SLC24A2: variants seen among roughly 807,000 people sequenced by gnomAD.
The protein encoded by SLC24A2 is solute carrier family 24 member 2.
SLC24A2 carries 36 observed loss-of-function variants against 62.0 expected under a neutral mutation model. The observed-to-expected ratio is 0.58, with a 90% CI of 0.44 to 0.77. The LOEUF is 0.77. Ranked by LOEUF, SLC24A2 falls within the 30% of genes least tolerant of loss-of-function variation. The pLI, the probability that SLC24A2 is intolerant of heterozygous loss-of-function variation, is 0.00. For missense variants in SLC24A2, 846 were observed against 817.9 expected (o/e 1.03, Z -0.42); for synonymous variants, 358 against 294.0 (o/e 1.22, Z -2.23).
the SLC24A2 span, among the ~76,000 whole-genome samples, chr9:20,066,571 C>T: frequency 6.6e-6 from 1 of 152,186 alleles, no homozygotes; most frequent in Non-Finnish European, 1.5e-5. Context: ...TAAGAGAATT[C>T]TGTCCATCTG....
chr9:19,550,144 C>T lies in SLC24A2; in HGVS notation c.1472G>A (p.Arg491His), dbSNP rs200870934. 4.5e-5 allele frequency: 73 copies of T among 1,613,660 alleles called. No individual in the cohort carries two copies. The highest frequency in any genetic ancestry group is 7.7e-5 in the South Asian group (7 of 91,052). Residue 491 changes from arginine (R) to histidine (H), a missense_variant, in exon 8 of 11, where the codon CGC becomes CAC. Physicochemically the swap from Arg to His is conservative, Grantham distance 29. Coordinates refer to ENST00000341998, the MANE Select transcript of SLC24A2 (RefSeq NM_020344.4). ...FPLWITLPDV[R>H]KPSSRKFFPI... ...TTAAAATGCTTTACTTACAGGTTTG[C>T]GAACGTCAGGTAACGTAATCCAGAG...
chr9:19,818,456 A>G, the SLC24A2 span, among the ~76,000 whole-genome samples: 1 of 152,146 alleles, frequency 6.6e-6, no homozygotes, highest in East Asian at 1.9e-4. Flanking sequence ...CGAAAACCCT[A>G]AAGACTCCCC....
chr9:20,228,669 G>C, the SLC24A2 span, among the ~76,000 whole-genome samples: 1 of 152,118 alleles, frequency 6.6e-6, no homozygotes, highest in Non-Finnish European at 1.5e-5. Flanking sequence ...AAGAGGTCAA[G>C]TCCTAGAAGA....
At chr9:19,530,240 T>C (rs1339910788) in intron 8 of SLC24A2, among the ~76,000 whole-genome samples, 1 of 152,140 alleles carries the variant, frequency 6.6e-6, no homozygotes, top group Non-Finnish European at 1.5e-5. Flanking sequence ...CTACGTGCAA[T>C]GAGGGTTTCA....
intron 2 of SLC24A2, among the ~76,000 whole-genome samples, chr9:19,663,745 A>T (rs923946616): frequency 6.6e-6 from 1 of 152,164 alleles, no homozygotes; most frequent in African/African-American, 2.4e-5. Flanking sequence ...ATTGCCTAAT[A>T]GCACTGATTA....
chr9:19,968,460 T>C, the SLC24A2 span, among the ~76,000 whole-genome samples: 23 of 152,202 alleles, frequency 1.5e-4, no homozygotes, highest in Admixed American at 3.3e-4. Flanking sequence ...GATGAGGAAA[T>C]TGGAATTTGG....
At chr9:20,041,874 A>G in the SLC24A2 span, among the ~76,000 whole-genome samples, 1 of 152,218 alleles carries the variant, frequency 6.6e-6, no homozygotes, top group Non-Finnish European at 1.5e-5. Context: ...GGAGTTGGCA[A>G]TGCGCACTCC....
chr9:19,594,540 C>T (rs1836650368), intron 5 of SLC24A2, among the ~76,000 whole-genome samples: 1 of 152,118 alleles, frequency 6.6e-6, no homozygotes, highest in Non-Finnish European at 1.5e-5. Flanking sequence ...CAAGTCATGA[C>T]CTCACACAAC....
intron 8 of SLC24A2, among the ~76,000 whole-genome samples, chr9:19,546,201 G>T: frequency 6.6e-6 from 1 of 152,206 alleles, no homozygotes; most frequent in Middle Eastern, 3.2e-3. Context: ...CACTTGAGGA[G>T]GCAGTCTGAT....
intron 2 of SLC24A2, among the ~76,000 whole-genome samples, chr9:19,656,112 G>A (rs1455100180): frequency 6.6e-6 from 1 of 152,164 alleles, no homozygotes; most frequent in Non-Finnish European, 1.5e-5. Context: ...ATTCAATACT[G>A]TGAACCAGAA....
At chr9:19,538,719 A>C (rs939493386) in intron 8 of SLC24A2, among the ~76,000 whole-genome samples, 9 of 132,072 alleles carry the variant, frequency 6.8e-5, no homozygotes, top group Admixed American at 4.7e-4. Context: ...CTGGCCTCAT[A>C]AAATGAGTTA....
At position 19,550,165 on chromosome 9, in the gene SLC24A2, C is replaced by CAG; in HGVS notation, c.1449_1450dup (p.Trp484SerfsTer34). 1.2e-6 allele frequency: 2 copies of CAG among 1,614,032 alleles called. No individual in the cohort carries two copies. Among genetic ancestry groups the CAG allele is most frequent in the Non-Finnish European group, 1.7e-6 (2 of 1,179,968 alleles). On this transcript the variant is annotated frameshift_variant, in exon 8 of 11. Coordinates refer to ENST00000341998, the MANE Select transcript of SLC24A2 (RefSeq NM_020344.4). LOFTEE classifies it high-confidence loss of function. ...TTTGCGAACGTCAGGTAACGTAATC[C>CAG]AGAGAGGAAACACTATGGGGAAAAC... is the stretch of plus-strand genomic sequence containing the variant.
intron 2 of SLC24A2, among the ~76,000 whole-genome samples, chr9:19,724,146 T>C (rs369373563): frequency 7.9e-5 from 12 of 152,204 alleles, no homozygotes; most frequent in African/African-American, 2.9e-4. Context: ...AGAATGTTAA[T>C]GCTTTTGGAG....
At chr9:19,895,552 T>C in the SLC24A2 span, among the ~76,000 whole-genome samples, 1 of 151,228 alleles carries the variant, frequency 6.6e-6, no homozygotes, top group South Asian at 2.1e-4. Flanking sequence ...CTTTCTTTTT[T>C]TTTTTTTTTT....
intron 2 of SLC24A2, among the ~76,000 whole-genome samples, chr9:19,768,027 A>T (rs1183084706): frequency 6.6e-6 from 1 of 152,120 alleles, no homozygotes; most frequent in Admixed American, 6.5e-5. Context: ...TCTTCTTCTT[A>T]TGAAGCCATC....
At chr9:19,703,027 TGTTGTTGGGTAAAA>T (rs1432632891) in intron 2 of SLC24A2, among the ~76,000 whole-genome samples, 1 of 152,176 alleles carries the variant, frequency 6.6e-6, no homozygotes, top group African/African-American at 2.4e-5. Flanking sequence ...CTTTCTATAC[TGTTGTTGGGTAAAA>T]GTTCCTGAGC....
chr9:20,215,907 G>T, the SLC24A2 span, among the ~76,000 whole-genome samples: 1 of 152,156 alleles, frequency 6.6e-6, no homozygotes, highest in Non-Finnish European at 1.5e-5. Flanking sequence ...TCTCATGCTA[G>T]TTCCCAATCC....
At chr9:19,751,819 G>A (rs1821994553) in intron 2 of SLC24A2, among the ~76,000 whole-genome samples, 1 of 152,156 alleles carries the variant, frequency 6.6e-6, no homozygotes, top group Non-Finnish European at 1.5e-5. Context: ...TAGGAAGGGT[G>A]GTGGAGCTGG....
In SLC24A2 at chr9:19,514,297, A is replaced by T. The variant is rs1832845324; in HGVS notation, c.*1856T>A. 6.6e-6 allele frequency: 1 copy of T among 152,176 alleles called. No individual in the cohort carries two copies. Among genetic ancestry groups the T allele is most frequent in the Non-Finnish European group, 1.5e-5 (1 of 68,038 alleles). 9.4% of individuals were successfully genotyped at this position (152,176 alleles called of 1,614,324 possible). On this transcript the variant is annotated 3_prime_UTR_variant, in exon 11 of 11. Transcript: ENST00000341998. Reference sequence around the variant, plus strand: ...TTATGTTAAGAGGTATGTGCTCACAACAAAATCATAGCAGGCGTCAATGAC... The same window carrying T: ...TTATGTTAAGAGGTATGTGCTCACATCAAAATCATAGCAGGCGTCAATGAC...
Sources: gnomAD v4.1 joint callset for allele counts (sites outside exome capture counted in the v4.1 genomes callset) on GRCh38, gnomAD v4.1.1 for gene constraint, MANE v1.5 for transcripts, NCBI Gene and HGNC (gene_info 2026-07-23, HGNC 2026-07-21) for gene names.